Variants in LUZP2 observed in about 807,000 individuals in gnomAD.
The protein encoded by LUZP2 is leucine zipper protein 2.
Under a neutral mutation model 51.6 loss-of-function variants are expected in LUZP2, and 52 were observed. The observed-to-expected ratio is 1.01, with a 90% CI of 0.81 to 1.27. The LOEUF (loss-of-function observed/expected upper bound fraction) is 1.27, where lower values mean the gene tolerates loss of function less well. Ranked by LOEUF, LUZP2 falls within the 50% of genes most tolerant of loss-of-function variation. LUZP2 has a pLI of 0.00. For missense variants in LUZP2, 436 were observed against 395.4 expected, an observed-to-expected ratio of 1.10 and a Z score of -0.87; for synonymous variants, 154 against 137.3, an observed-to-expected ratio of 1.12 and a Z score of -0.85.
At chr11:24,890,706 C>T (rs1852823988) in intron 5 of LUZP2, among the ~76,000 whole-genome samples, 2 of 152,044 alleles carry the variant, frequency 1.3e-5, no homozygotes, top group South Asian at 2.1e-4. Flanking sequence ...TGGATTTATT[C>T]ATCTTTATCC....
intron 5 of LUZP2, among the ~76,000 whole-genome samples, chr11:24,896,243 G>A (rs564916785): frequency 1.1e-4 from 16 of 152,298 alleles, no homozygotes; most frequent in African/African-American, 3.6e-4. Flanking sequence ...CTGTGGGCTG[G>A]CCGAGGCCGG....
In LUZP2 at chr11:25,000,920, T is replaced by TGA. The variant is rs199739952; in HGVS notation, c.765+17628_765+17629insAG. 3.3e-5 allele frequency among the ~76,000 whole-genome samples: 5 copies of TGA among 150,748 alleles called. No homozygotes were observed. The East Asian group carries it at 8.0e-4, about 24-fold the overall frequency. ...AACAGTCTGAGAAATCTTTTGAGAG[T>TGA]GTGTGGTAGTAGGATAATGAAGTAG... On this transcript the variant is annotated intron_variant, in intron 9 of 11. Transcript: ENST00000336930.
At position 24,511,210 on chromosome 11, in the gene LUZP2, T is replaced by A. The variant is rs184614772; in HGVS notation, c.62+13905T>A. On this transcript the variant is annotated intron_variant, in intron 1 of 11. Coordinates refer to ENST00000336930, the MANE Select transcript of LUZP2 (RefSeq NM_001009909.4). Reference sequence around the variant, plus strand: ...TTCAGTTGCTCCAAAGGAAGTTGTCTTTTTTGTGTATAGTAAGCCCTTATT... The same window carrying A: ...TTCAGTTGCTCCAAAGGAAGTTGTCATTTTTGTGTATAGTAAGCCCTTATT... Among the ~76,000 whole-genome samples, 424 of 152,272 alleles carry A rather than the reference T, an allele frequency of 2.8e-3. 1 individual carries two copies. The highest frequency in any genetic ancestry group is 4.5e-3 in the Non-Finnish European group (307 of 68,008).
chr11:25,034,685 C>T (rs1317805754), intron 9 of LUZP2, among the ~76,000 whole-genome samples: 1 of 152,040 alleles, frequency 6.6e-6, no homozygotes, highest in Non-Finnish European at 1.5e-5. Flanking sequence ...GGAGTCCTTC[C>T]CCCATTGAAA....
At chr11:24,783,248 C>T in intron 5 of LUZP2, among the ~76,000 whole-genome samples, 1 of 151,930 alleles carries the variant, frequency 6.6e-6, no homozygotes, top group Non-Finnish European at 1.5e-5. Flanking sequence ...GATGTTACAG[C>T]TCTCATATTT....
At chr11:24,655,310 A>C (rs2133970899) in intron 1 of LUZP2, among the ~76,000 whole-genome samples, 1 of 152,276 alleles carries the variant, frequency 6.6e-6, no homozygotes, top group Admixed American at 6.5e-5. Context: ...GCACCATAAA[A>C]CCCAGAAGGT....
chr11:25,000,603 G>A (rs1856656751), intron 9 of LUZP2, among the ~76,000 whole-genome samples: 2 of 152,162 alleles, frequency 1.3e-5, no homozygotes, highest in Admixed American at 1.3e-4. Flanking sequence ...AGCTGCCACG[G>A]TACTTAGAAA....
chr11:24,896,542 G>T (rs1384526391), intron 5 of LUZP2, among the ~76,000 whole-genome samples: 1 of 152,170 alleles, frequency 6.6e-6, no homozygotes, highest in East Asian at 1.9e-4. Flanking sequence ...CAGGGCTCAG[G>T]ACCTGCAGCC....
At chr11:24,733,689 A>C (rs1858811412) in intron 3 of LUZP2, among the ~76,000 whole-genome samples, 1 of 151,600 alleles carries the variant, frequency 6.6e-6, no homozygotes. Context: ...AAGAGGAATA[A>C]CTTAGATGAA....
intron 5 of LUZP2, among the ~76,000 whole-genome samples, chr11:24,814,555 G>A (rs1161607251): frequency 2.0e-5 from 3 of 152,122 alleles, no homozygotes; most frequent in Non-Finnish European, 2.9e-5. Context: ...TTTACTTCTA[G>A]AGAAAGTCCT....
intron 10 of LUZP2, among the ~76,000 whole-genome samples, chr11:25,056,777 A>G (rs1858695187): frequency 6.6e-6 from 1 of 152,020 alleles, no homozygotes; most frequent in Non-Finnish European, 1.5e-5. Flanking sequence ...TCCCACGTAG[A>G]TTTTCTTCTG....
chr11:24,933,143 T>C (rs1051185059), intron 7 of LUZP2, among the ~76,000 whole-genome samples: 1 of 152,200 alleles, frequency 6.6e-6, no homozygotes, highest in Admixed American at 6.5e-5. Context: ...TTTCACACTT[T>C]CACACTTTCG....
At chr11:24,503,444 G>C (rs946460866) in intron 1 of LUZP2, among the ~76,000 whole-genome samples, 5 of 152,144 alleles carry the variant, frequency 3.3e-5, no homozygotes. Flanking sequence ...GAAGACAGAA[G>C]GTGAAGGTCA....
intron 1 of LUZP2, among the ~76,000 whole-genome samples, chr11:24,622,307 T>C (rs1156453818): frequency 6.7e-6 from 1 of 150,066 alleles, no homozygotes; most frequent in African/African-American, 2.4e-5. Flanking sequence ...GGCCCCAGTG[T>C]GTGATGTTCC....
At chr11:24,645,159 T>G (rs1855426019) in intron 1 of LUZP2, among the ~76,000 whole-genome samples, 1 of 152,188 alleles carries the variant, frequency 6.6e-6, no homozygotes, top group Non-Finnish European at 1.5e-5. Flanking sequence ...CAGACTGTTT[T>G]GCCTATTGCA....
intron 5 of LUZP2, chr11:24,786,638 T>C (rs1401450513): frequency 6.3e-6 from 1 of 159,556 alleles, no homozygotes; most frequent in Non-Finnish European, 1.3e-5. Flanking sequence ...CATTTATATA[T>C]TATATACCAC....
At chr11:24,544,297 A>T (rs1851473631) in intron 1 of LUZP2, among the ~76,000 whole-genome samples, 1 of 152,030 alleles carries the variant, frequency 6.6e-6, no homozygotes, top group South Asian at 2.1e-4. Context: ...TAAACCTTTT[A>T]TGCTAAGTTC....
chr11:25,071,601 C>A (rs1431743309), intron 10 of LUZP2, among the ~76,000 whole-genome samples: 1 of 151,744 alleles, frequency 6.6e-6, no homozygotes, highest in East Asian at 1.9e-4. Context: ...GGGTGGAAAT[C>A]TGCTTTTCAG....
chr11:24,676,047 A>C (rs1382833481), intron 1 of LUZP2, among the ~76,000 whole-genome samples: 1 of 151,812 alleles, frequency 6.6e-6, no homozygotes, highest in Non-Finnish European at 1.5e-5. Flanking sequence ...TCGAACTCCT[A>C]ACCTCAAGTG....
Sources: gnomAD v4.1 joint callset for allele counts (sites outside exome capture counted in the v4.1 genomes callset) on GRCh38, gnomAD v4.1.1 for gene constraint, MANE v1.5 for transcripts, NCBI Gene and HGNC (gene_info 2026-07-23, HGNC 2026-07-21) for gene names.